PRIM2: variants seen among roughly 807,000 people sequenced by gnomAD.
The protein encoded by PRIM2 is DNA primase subunit 2, also known as DNA primase large subunit.
PRIM2 carries 39 observed loss-of-function variants against 67.3 expected under a neutral mutation model. The ratio of observed to expected loss-of-function variants is 0.58; its 90% CI spans 0.45 to 0.76. The LOEUF (loss-of-function observed/expected upper bound fraction) is 0.76. Among genes scored for constraint, PRIM2 ranks in the 30% least tolerant of loss-of-function variants. PRIM2 has a pLI of 0.00. For missense variants in PRIM2, 398 were observed against 598.7 expected, an observed-to-expected ratio of 0.66 and a Z score of 3.50; for synonymous variants, 143 against 198.7, an observed-to-expected ratio of 0.72 and a Z score of 2.36.
the PRIM2 span, among the ~76,000 whole-genome samples, chr6:57,301,651 C>A: frequency 6.6e-6 from 1 of 152,110 alleles, no homozygotes; most frequent in Non-Finnish European, 1.5e-5. Context: ...AAAATACACA[C>A]GCACACAAAA....
chr6:57,645,874 T>C (rs1480720510), intron 13 of PRIM2, 54 bp from the exon 14 acceptor site: 1 of 970,690 alleles, frequency 1.0e-6, no homozygotes, highest in African/African-American at 1.6e-5. Context: ...TTGAAACTCA[T>C]ATATTTATAG....
chr6:57,274,309 A>G, the PRIM2 span, among the ~76,000 whole-genome samples: 1 of 151,528 alleles, frequency 6.6e-6, no homozygotes, highest in African/African-American at 2.4e-5. Flanking sequence ...TTGTTTACCT[A>G]ATCAAGTCTC....
intron 8 of PRIM2, among the ~76,000 whole-genome samples, chr6:57,514,412 T>A: frequency 6.6e-6 from 1 of 152,222 alleles, no homozygotes; most frequent in Non-Finnish European, 1.5e-5. Context: ...GATAGGGGCT[T>A]CATCAGTTGA....
chr6:57,450,037 A>C lies in PRIM2; in HGVS notation c.694-57350A>C, dbSNP rs1485537802. ...TGTCACATTACTTGTTATTCTAGAG[A>C]GCCTGTCACTTAAAGGTGAAAATTT... On this transcript the variant is annotated intron_variant, in intron 7 of 13. Coordinates refer to ENST00000615550, the MANE Select transcript of PRIM2 (RefSeq NM_000947.5). 1.1e-4 allele frequency among the ~76,000 whole-genome samples: 16 copies of C among 152,298 alleles called. 2 individuals carry two copies. Among genetic ancestry groups the C allele is most frequent in the Admixed American group, 8.5e-4 (13 of 15,290 alleles).
At position 57,467,383 on chromosome 6, in the gene PRIM2, ATCCTT is replaced by A. The variant is rs1332964246; in HGVS notation, c.694-40000_694-39996del. Among the ~76,000 whole-genome samples, 250 of 152,202 alleles carry A rather than the reference ATCCTT, an allele frequency of 1.6e-3. 2 individuals carry two copies. The highest frequency in any genetic ancestry group is 2.5e-3 in the Non-Finnish European group (169 of 68,010). ...TTCAACACTATTTTTTAAATAGGGA[ATCCTT>A]TCCCCATTGCTTGTTTTTGTCAGGT... On this transcript the variant is annotated intron_variant, in intron 7 of 13. Coordinates refer to ENST00000615550, the MANE Select transcript of PRIM2 (RefSeq NM_000947.5).
chr6:57,644,584 A>T (rs1777300799), intron 13 of PRIM2, among the ~76,000 whole-genome samples: 1 of 152,198 alleles, frequency 6.6e-6, no homozygotes, highest in Non-Finnish European at 1.5e-5. Flanking sequence ...GCTTTAATTA[A>T]ATATGCAAAA....
At chr6:57,509,211 G>A (rs1581960652) in intron 8 of PRIM2, among the ~76,000 whole-genome samples, 3 of 151,312 alleles carry the variant, frequency 2.0e-5, no homozygotes, top group South Asian at 2.1e-4. Flanking sequence ...CGAAGAAGTC[G>A]TAACCTTTGT....
At chr6:57,332,198 G>A (rs1768076910) in intron 5 of PRIM2, among the ~76,000 whole-genome samples, 1 of 151,806 alleles carries the variant, frequency 6.6e-6, no homozygotes, top group African/African-American at 2.4e-5. Flanking sequence ...TCTGTTACTG[G>A]TTTTAATTTA....
intron 7 of PRIM2, among the ~76,000 whole-genome samples, chr6:57,433,396 C>A (rs1182056256): frequency 6.8e-6 from 1 of 146,570 alleles, no homozygotes; most frequent in Admixed American, 6.9e-5. Context: ...CCCCTCCCCC[C>A]ATCCCACAAC....
chr6:57,263,774 C>A, the PRIM2 span, among the ~76,000 whole-genome samples: 3 of 152,182 alleles, frequency 2.0e-5, no homozygotes, highest in Admixed American at 6.5e-5. Flanking sequence ...AGTAATCTAT[C>A]TTTTATCTCC....
intron 5 of PRIM2, among the ~76,000 whole-genome samples, chr6:57,357,020 G>A (rs1378867224): frequency 1.3e-5 from 2 of 150,514 alleles, no homozygotes; most frequent in African/African-American, 4.9e-5. Context: ...TGCAACCTCG[G>A]CCTCCTGGGT....
chr6:57,403,064 A>G (rs1194907131), intron 7 of PRIM2, among the ~76,000 whole-genome samples: 2 of 152,056 alleles, frequency 1.3e-5, no homozygotes, highest in African/African-American at 2.4e-5. Flanking sequence ...AAACAAAGCT[A>G]TTGGCAATAT....
In PRIM2 at chr6:57,318,582, C is replaced by T; in HGVS notation, c.137C>T (p.Ala46Val). ...NISLIEFENL[A>V]IDRVKLLKSV... ...TCTTTAATAGAATTTGAAAACTTGG[C>T]TATTGATAGAGTTAAATGTAAGTAC... Residue 46 changes from alanine (A) to valine (V), a missense_variant, in exon 2 of 14, where the codon GCT becomes GTT. Transcript: ENST00000615550. 6.4e-7 allele frequency: 1 copy of T among 1,567,584 alleles called. No homozygotes were observed. Among genetic ancestry groups the T allele is most frequent in the Non-Finnish European group, 8.7e-7 (1 of 1,154,456 alleles).
At chr6:57,375,481 G>A (rs1340670468) in intron 5 of PRIM2, among the ~76,000 whole-genome samples, 3 of 152,144 alleles carry the variant, frequency 2.0e-5, no homozygotes, top group Non-Finnish European at 4.4e-5. Flanking sequence ...GTATTTTGTT[G>A]AGGATTTTTG....
intron 10 of PRIM2, among the ~76,000 whole-genome samples, chr6:57,561,449 T>C (rs1775627839): frequency 6.6e-6 from 1 of 152,178 alleles, no homozygotes; most frequent in South Asian, 2.1e-4. Context: ...CCCAGGCTGG[T>C]CTCGAACTCC....
intron 7 of PRIM2, among the ~76,000 whole-genome samples, chr6:57,494,776 C>G (rs1773969024): frequency 2.0e-5 from 3 of 152,160 alleles, no homozygotes; most frequent in Non-Finnish European, 1.5e-5. Flanking sequence ...CATTTTCCTT[C>G]CAACATCCTC....
chr6:57,291,737 G>A, the PRIM2 span, among the ~76,000 whole-genome samples: 21,870 of 152,006 alleles, frequency 0.14, 2,030 homozygotes, highest in African/African-American at 0.26. Context: ...CAGAACCAAC[G>A]ACAAAAACCA....
chr6:57,472,541 C>T (rs1773362834), intron 7 of PRIM2, among the ~76,000 whole-genome samples: 1 of 152,156 alleles, frequency 6.6e-6, no homozygotes, highest in African/African-American at 2.4e-5. Flanking sequence ...TGGAGCACTT[C>T]AGTTATCACT....
chr6:57,390,821 A>G (rs1770317455), intron 7 of PRIM2, among the ~76,000 whole-genome samples: 2 of 152,076 alleles, frequency 1.3e-5, no homozygotes, highest in Non-Finnish European at 1.5e-5. Context: ...TGTCTTTGCT[A>G]TTGTAAATGG....
Sources: gnomAD v4.1 joint callset for allele counts (sites outside exome capture counted in the v4.1 genomes callset) on GRCh38, gnomAD v4.1.1 for gene constraint, MANE v1.5 for transcripts, NCBI Gene and HGNC (gene_info 2026-07-23, HGNC 2026-07-21) for gene names.